Variants in DGKB observed in about 807,000 individuals in gnomAD.
DGKB encodes diacylglycerol kinase beta, also known as 90 kDa diacylglycerol kinase.
Under a neutral mutation model 114.3 loss-of-function variants are expected in DGKB, and 67 were observed. The observed-to-expected ratio is 0.59, with a 90% CI of 0.48 to 0.72. The LOEUF is 0.72. DGKB is among the 30% of genes least tolerant of loss of function. DGKB has a pLI of 0.00. For synonymous variants in DGKB, 398 were observed against 323.1 expected (o/e 1.23, Z -2.49); for missense variants, 907 against 975.2 (o/e 0.93, Z 0.93).
intron 13 of DGKB, among the ~76,000 whole-genome samples, chr7:14,670,585 G>A (rs187720519): frequency 1.3e-5 from 2 of 151,918 alleles, no homozygotes; most frequent in Non-Finnish European, 2.9e-5. Flanking sequence ...GATTACAGGC[G>A]TGAGCCACCA....
chr7:14,835,363 T>C (rs1457630161), intron 2 of DGKB, among the ~76,000 whole-genome samples: 1 of 152,178 alleles, frequency 6.6e-6, no homozygotes, highest in East Asian at 1.9e-4. Flanking sequence ...GCACTTCACA[T>C]ACATTTCCAT....
intron 12 of DGKB, among the ~76,000 whole-genome samples, chr7:14,682,246 G>A (rs903860012): frequency 5.9e-5 from 9 of 152,074 alleles, no homozygotes; most frequent in Admixed American, 5.9e-4. Flanking sequence ...TATTCTTATT[G>A]CTTACTCCTA....
chr7:14,886,723 C>G (rs1855119246), intron 1 of DGKB, among the ~76,000 whole-genome samples: 1 of 151,948 alleles, frequency 6.6e-6, no homozygotes, highest in Admixed American at 6.6e-5. Context: ...CACCTTCCAT[C>G]TGGCCCACCT....
intron 21 of DGKB, among the ~76,000 whole-genome samples, chr7:14,455,110 T>C (rs926454973): frequency 1.3e-5 from 2 of 152,184 alleles, no homozygotes; most frequent in African/African-American, 4.8e-5. Flanking sequence ...TTTAATTTTC[T>C]ATAAACTCTG....
chr7:14,954,146 G>A (rs189678937), intron 1 of DGKB, among the ~76,000 whole-genome samples: 30 of 152,152 alleles, frequency 2.0e-4, no homozygotes, highest in Admixed American at 4.6e-4. Flanking sequence ...GTGTGGGCCT[G>A]TTTGCCTAAG....
At chr7:14,825,875 A>C (rs1368558050) in intron 2 of DGKB, among the ~76,000 whole-genome samples, 3 of 152,302 alleles carry the variant, frequency 2.0e-5, no homozygotes, top group Admixed American at 6.5e-5. Context: ...TATATCAACA[A>C]ATGATAAACT....
At chr7:14,807,883 T>C (rs1842961852) in intron 2 of DGKB, among the ~76,000 whole-genome samples, 1 of 152,090 alleles carries the variant, frequency 6.6e-6, no homozygotes, top group Admixed American at 6.6e-5. Flanking sequence ...TATTTGTTTA[T>C]ATTTCATTTG....
chr7:14,797,901 T>C (rs1267035165), intron 2 of DGKB, among the ~76,000 whole-genome samples: 3 of 152,114 alleles, frequency 2.0e-5, no homozygotes, highest in Non-Finnish European at 4.4e-5. Flanking sequence ...TCTTGTCCCA[T>C]GACCAAGTGG....
At chr7:14,231,641 T>C (rs143018838) in intron 23 of DGKB, among the ~76,000 whole-genome samples, 6 of 152,038 alleles carry the variant, frequency 3.9e-5, no homozygotes, top group African/African-American at 1.4e-4. Flanking sequence ...AATGTGTGTG[T>C]GTACATATAT....
chr7:14,567,180 T>C (rs1229056419), intron 20 of DGKB, among the ~76,000 whole-genome samples: 1 of 82,918 alleles, frequency 1.2e-5, no homozygotes, highest in African/African-American at 4.6e-5. Flanking sequence ...ATATTATATA[T>C]AATTATATAT....
intron 21 of DGKB, among the ~76,000 whole-genome samples, chr7:14,421,039 A>T (rs1201434295): frequency 6.6e-6 from 1 of 152,084 alleles, no homozygotes; most frequent in Non-Finnish European, 1.5e-5. Flanking sequence ...CATTTGCATA[A>T]GGTGCCAATC....
chr7:14,557,720 T>A (rs890217991), intron 20 of DGKB, among the ~76,000 whole-genome samples: 2 of 151,978 alleles, frequency 1.3e-5, no homozygotes, highest in African/African-American at 4.8e-5. Context: ...ATTTCCATTT[T>A]ACCTAAAAAA....
chr7:14,392,995 G>GTTTTTGTTTTTTTTTTTGTTT, intron 21 of DGKB, among the ~76,000 whole-genome samples: 1 of 60,546 alleles, frequency 1.7e-5, no homozygotes, highest in South Asian at 8.2e-4. Flanking sequence ...TTTTGTTTTT[G>GTTTTTGTTTTTTTTTTTGTTT]TTTTTTTTTT....
rs377180495 is a variant in DGKB at position 14,940,726 on chromosome 7, A to G, written c.-188+33970T>C. Among the ~76,000 whole-genome samples the G allele has an allele frequency of 5.9e-5, 9 of 152,230 alleles. No individual in the cohort carries two copies. The East Asian group carries it at 1.5e-3, about 26-fold the overall frequency. ...TGTATATTAGCACATGTGTATTTTT[A>G]TATCAAAACCAACTATAATTTCTTT... is the stretch of plus-strand genomic sequence containing the variant. On this transcript the variant is annotated intron_variant, in intron 1 of 4. Transcript: ENST00000437998.
chr7:14,525,865 T>C (rs1250223712), intron 20 of DGKB, among the ~76,000 whole-genome samples: 3 of 123,740 alleles, frequency 2.4e-5, no homozygotes, highest in Non-Finnish European at 3.6e-5. Context: ...CAAAGTTAAA[T>C]TGTGAAGTAA....
chr7:14,306,398 T>C (rs943486167), intron 23 of DGKB, among the ~76,000 whole-genome samples: 6 of 152,160 alleles, frequency 3.9e-5, no homozygotes, highest in African/African-American at 7.2e-5. Flanking sequence ...GAGGAGCTAA[T>C]TGATTTCACA....
At chr7:14,525,558 C>T (rs1790508263) in intron 20 of DGKB, among the ~76,000 whole-genome samples, 1 of 152,102 alleles carries the variant, frequency 6.6e-6, no homozygotes, top group African/African-American at 2.4e-5. Flanking sequence ...TGATTGGGTA[C>T]ATGTCCTTAG....
At chr7:14,256,463 ATATTT>A (rs1037891296) in intron 23 of DGKB, among the ~76,000 whole-genome samples, 2 of 134,878 alleles carry the variant, frequency 1.5e-5, no homozygotes, top group Admixed American at 7.5e-5. Context: ...TCTAAAATAA[ATATTT>A]TATTTATTTA....
At chr7:14,546,354 G>C (rs1020871730) in intron 20 of DGKB, among the ~76,000 whole-genome samples, 1 of 151,926 alleles carries the variant, frequency 6.6e-6, no homozygotes, top group African/African-American at 2.4e-5. Flanking sequence ...TATTCCCTGT[G>C]GCTCAAGTAG....
Sources: allele counts gnomAD v4.1 joint callset (sites outside exome capture counted in the v4.1 genomes callset), GRCh38; gene constraint gnomAD v4.1.1; transcripts MANE v1.5; gene names NCBI Gene and HGNC (gene_info 2026-07-23, HGNC 2026-07-21).